The following FN1 variants were observed in gnomAD, a reference collection of about 807,000 sequenced individuals.
FN1 encodes the protein fibronectin 1, also known as fibronectin.
Under a neutral mutation model 297.3 loss-of-function variants are expected in FN1, and 106 were observed. The observed-to-expected ratio is 0.36, with a 90% CI of 0.30 to 0.42. FN1 has a LOEUF of 0.42. Among genes scored for constraint, FN1 ranks in the 10% least tolerant of loss-of-function variants. FN1 has a pLI of 1.00. For missense variants in FN1, 2,690 were observed against 3,124.9 expected (o/e 0.86, Z 3.32); for synonymous variants, 1,149 against 1,152.6 (o/e 1.00, Z 0.06).
At chr2:215,419,112 A>T in intron 12 of FN1, 130 bp downstream of exon 12, 1 of 719,070 alleles carries the variant, frequency 1.4e-6, no homozygotes, top group Non-Finnish European at 2.4e-6. Context: ...ATTGATTATT[A>T]GATAATAACA....
intron 20 of FN1, among the ~76,000 whole-genome samples, chr2:215,403,240 A>T (rs138002039): frequency 6.6e-6 from 1 of 152,302 alleles, no homozygotes; most frequent in African/African-American, 2.4e-5. Context: ...CTTACGATTA[A>T]CTATTATTTA....
chr2:215,418,833 A>G (rs539334292), intron 12 of FN1, among the ~76,000 whole-genome samples: 2 of 152,310 alleles, frequency 1.3e-5, no homozygotes, highest in South Asian at 2.1e-4. Flanking sequence ...ATGAACACGT[A>G]CCTTATGCTG....
At chr2:215,409,325 C>T (rs371854838) in intron 15 of FN1, among the ~76,000 whole-genome samples, 15 of 152,046 alleles carry the variant, frequency 9.9e-5, no homozygotes, top group East Asian at 5.8e-4. Flanking sequence ...CACAGGTAGG[C>T]GCATGATGCA....
chr2:215,382,698 A>G (rs2058377001), intron 31 of FN1, among the ~76,000 whole-genome samples: 1 of 152,254 alleles, frequency 6.6e-6, no homozygotes, highest in African/African-American at 2.4e-5. Flanking sequence ...GAGCTGAAAA[A>G]GTCAGTTAGG....
At position 215,404,399 on chromosome 2, in the gene FN1, G is replaced by T. The variant is rs550005362; in HGVS notation, c.3243C>A (p.Val1081=). The change falls in exon 20 of 46, where the codon GTC becomes GTA. Residue 1081 remains valine (V), a synonymous_variant. Transcript: ENST00000354785. ...GNQESPKATG[V]FTTLQPGSSI... ...TAATTTTCAGCTTACGTGTGGTAAA[G>T]ACTCCAGTGGCTTTGGGGCTCTCTT... 2.2e-5 allele frequency: 36 copies of T among 1,613,866 alleles called. No individual in the cohort carries two copies. The highest frequency in any genetic ancestry group is 2.0e-4 in the Admixed American group (12 of 59,970).
chr2:215,404,692 G>C (rs779483542), intron 19 of FN1, 37 bp from the exon 20 acceptor site: 3 of 1,568,082 alleles, frequency 1.9e-6, no homozygotes, highest in Non-Finnish European at 2.6e-6. Context: ...GAAATATTTA[G>C]ATCAGTAATG....
chr2:215,376,808 A>T (rs2057358808), intron 35 of FN1, 134 bp from the exon 36 acceptor site: 1 of 739,182 alleles, frequency 1.4e-6, no homozygotes, highest in East Asian at 2.7e-5. Context: ...TGTGTAGATT[A>T]TCTCCTTTGG....
rs2053409546 is a variant in FN1 at position 215,361,386 on chromosome 2, AG to A, written c.*168del. ...ATGAGAAAACCCTCAGGAAACTCCCAGGGTGATGCTTGGAGAAGCTGTGAGT... is the reference window on the plus strand; with the variant it reads ...ATGAGAAAACCCTCAGGAAACTCCCAGGTGATGCTTGGAGAAGCTGTGAGT... On this transcript the variant is annotated 3_prime_UTR_variant, in exon 46 of 46. Coordinates refer to ENST00000354785, the MANE Select transcript of FN1 (RefSeq NM_212482.4). The A allele has an allele frequency of 1.4e-6, 1 of 716,578 alleles. No homozygotes were observed. The highest frequency in any genetic ancestry group is 2.5e-5 in the East Asian group (1 of 39,816). The allele number at this position is 716,578 out of a possible 1,614,324, so 44.4% of individuals were successfully genotyped here.
Position 215,410,139 on chromosome 2 carries a change from AC to A in FN1, c.1942-26del, listed in dbSNP as rs2062386774. The stretch of plus-strand genomic sequence containing the variant: ...TCTGAAAATTTAAATTAACACACAC[AC>A]ACACACACACACGTGTTTACAAGGA... On this transcript the variant is annotated intron_variant, in intron 13 of 45. Coordinates refer to ENST00000354785, the MANE Select transcript of FN1 (RefSeq NM_212482.4). The A allele has an allele frequency of 3.9e-6, 6 of 1,557,176 alleles. No homozygotes were observed. In the Admixed American group the frequency reaches 7.6e-5, roughly 20 times the overall value.
At chr2:215,361,723 T>A in intron 45 of FN1, 97 bp from the exon 46 acceptor site, 1 of 1,050,736 alleles carries the variant, frequency 9.5e-7, no homozygotes, top group South Asian at 1.3e-5. Flanking sequence ...GACAGCTGCT[T>A]ATAGATAGGA....
chr2:215,433,086 T>A (rs2066811211), intron 3 of FN1, among the ~76,000 whole-genome samples: 1 of 151,958 alleles, frequency 6.6e-6, no homozygotes, highest in African/African-American at 2.4e-5. Flanking sequence ...ACACACACAC[T>A]CATAAATGCA....
chr2:215,412,760 C>CTTTTTTTTTTTTTT (rs10524797), intron 13 of FN1, among the ~76,000 whole-genome samples: 31 of 97,566 alleles, frequency 3.2e-4, no homozygotes, highest in Non-Finnish European at 4.9e-4. Context: ...TATTAAGTAT[C>CTTTTTTTTTTTTTT]TTTTTTTTTT....
chr2:215,389,575 G>A lies in FN1; in HGVS notation c.4253-1274C>T, dbSNP rs577289676. On this transcript the variant is annotated intron_variant, in intron 26 of 45. Coordinates refer to ENST00000354785, the MANE Select transcript of FN1 (RefSeq NM_212482.4). ...GGCCGAGGAGGGTGGATCACTTGAG[G>A]TCAGGAGTTTGAAACCAGCCTGGCC... is the stretch of plus-strand genomic sequence containing the variant. Among the ~76,000 whole-genome samples the A allele has an allele frequency of 1.5e-4, 23 of 152,018 alleles. No individual in the cohort carries two copies. The South Asian group carries it at 4.6e-3, about 30-fold the overall frequency.
chr2:215,375,318 C>T lies in FN1; in HGVS notation c.6053G>A (p.Arg2018His), dbSNP rs146612279. 6.6e-5 allele frequency: 107 copies of T among 1,614,108 alleles called. No homozygotes were observed. Among genetic ancestry groups the T allele is most frequent in the African/African-American group, 4.8e-4 (36 of 75,044 alleles). The change falls in exon 38 of 46, where the codon CGT becomes CAT. Residue 2018 changes from arginine (R) to histidine (H), a missense_variant. Physicochemically the swap from Arg to His is conservative, Grantham distance 29. This residue lies in a region of FN1 where 1,743 missense variants were observed against 1,945.2 expected (regional missense o/e 0.90). Coordinates refer to ENST00000354785, the MANE Select transcript of FN1 (RefSeq NM_212482.4). ...NSLLVSWQPP[R>H]ARITGYIIKY... is the part of the protein sequence containing the mutation. Reference sequence around the variant, plus strand: ...GATGATGTAGCCGGTAATCCTGGCACGTGGCGGCTGCCATGATACCAGCAA... The same window carrying T: ...GATGATGTAGCCGGTAATCCTGGCATGTGGCGGCTGCCATGATACCAGCAA...
intron 12 of FN1, 45 bp downstream of exon 12, chr2:215,419,197 T>A (rs2063851232): frequency 6.3e-7 from 1 of 1,589,308 alleles, no homozygotes; most frequent in South Asian, 1.1e-5. Flanking sequence ...CCTGTTGTTA[T>A]AACCCAATTG....
Position 215,433,363 on chromosome 2 carries a change from T to C in FN1, c.376A>G (p.Ile126Val), listed in dbSNP as rs766749746. 6.2e-7 allele frequency: 1 copy of C among 1,614,218 alleles called. No homozygotes were observed. The highest frequency in any genetic ancestry group is 8.5e-7 in the Non-Finnish European group (1 of 1,180,008). ...CTTATTCTCCCTCGCCCAGCCCCGA[T>C]GCAGGTACAGTCCCAGATCATGGAG... ...KDSMIWDCTCIGAGRGRISCT... is the reference protein window; with the variant it reads ...KDSMIWDCTCVGAGRGRISCT... Residue 126 changes from isoleucine to valine, a missense_variant, in exon 3 of 46, where the codon ATC (isoleucine) becomes GTC (valine). This residue lies in a region of FN1 where 876 missense variants were observed against 1,058.1 expected (regional missense o/e 0.83). Transcript: ENST00000354785.
chr2:215,386,632 A>C, intron 28 of FN1, 57 bp downstream of exon 28: 2 of 1,492,800 alleles, frequency 1.3e-6, no homozygotes, highest in Non-Finnish European at 1.8e-6. Context: ...TACTTTACAG[A>C]ATCTACCAAC....
intron 17 of FN1, 79 bp downstream of exon 17, chr2:215,408,029 C>T (rs1198440201): frequency 9.6e-7 from 1 of 1,041,624 alleles, no homozygotes; most frequent in Non-Finnish European, 1.5e-6. Flanking sequence ...ATATGCAGGT[C>T]CGCAGTCAGA....
At chr2:215,418,705 G>A (rs1245847139) in intron 12 of FN1, among the ~76,000 whole-genome samples, 1 of 152,172 alleles carries the variant, frequency 6.6e-6, no homozygotes, top group Non-Finnish European at 1.5e-5. Context: ...TGTTTGAACT[G>A]TGTGGGCAGA....
Sources: gnomAD v4.1 joint callset for allele counts (sites outside exome capture counted in the v4.1 genomes callset) on GRCh38, gnomAD v4.1.1 for gene constraint, gnomAD v4.1.1 regional missense constraint, MANE v1.5 for transcripts, NCBI Gene and HGNC (gene_info 2026-07-23, HGNC 2026-07-21) for gene names.